The following PDE1A variants were observed in gnomAD, a reference collection of about 807,000 sequenced individuals.
The protein encoded by PDE1A is dual specificity calcium/calmodulin-dependent 3',5'-cyclic nucleotide phosphodiesterase 1A.
Under a neutral mutation model 61.7 loss-of-function variants are expected in PDE1A, and 35 were observed. That is an observed-to-expected ratio of 0.57 (90% CI 0.43 to 0.75). The LOEUF is 0.75. Among genes scored for constraint, PDE1A ranks in the 30% least tolerant of loss-of-function variants. The pLI, the probability that PDE1A is intolerant of heterozygous loss-of-function variation, is 0.00. For synonymous variants in PDE1A, 232 were observed against 213.2 expected (o/e 1.09, Z -0.77); for missense variants, 597 against 630.6 (o/e 0.95, Z 0.57).
the PDE1A span, among the ~76,000 whole-genome samples, chr2:182,561,623 T>C: frequency 2.6e-5 from 4 of 152,222 alleles, no homozygotes; most frequent in African/African-American, 7.2e-5. Flanking sequence ...GGGAATGCTA[T>C]TGAATCTATA....
chr2:182,535,049 T>C, the PDE1A span, among the ~76,000 whole-genome samples: 2 of 117,280 alleles, frequency 1.7e-5, no homozygotes, highest in Non-Finnish European at 3.5e-5. Flanking sequence ...CCTTCATTGG[T>C]TTGAATTGTG....
rs1390535474 is a variant in PDE1A, at chr2:182,307,734, A to T, written c.54-43320T>A. ...ACCAAAAAAAAATGCTTTGCTGGGAATCATGGCTTACACTTATAGTCCTAG... is the reference window on the plus strand; with the variant it reads ...ACCAAAAAAAAATGCTTTGCTGGGATTCATGGCTTACACTTATAGTCCTAG... On this transcript the variant is annotated intron_variant, in intron 1 of 13. Coordinates refer to ENST00000351439, the Ensembl canonical transcript of PDE1A. Among the ~76,000 whole-genome samples the T allele has an allele frequency of 2.0e-5, 3 of 152,150 alleles. No homozygotes were observed. In the East Asian group the frequency reaches 5.8e-4, roughly 29 times the overall value.
At chr2:182,527,325 AAAATATATATATATATATAT>A (rs1255168982), upstream of PDE1A, among the ~76,000 whole-genome samples, 6,072 of 38,052 alleles carry the variant, frequency 0.16, 1,233 homozygotes, top group South Asian at 0.26. Context: ...AAAAAAAAAA[AAAATATATATATATATATAT>A]ATATATATAT....
chr2:182,179,545 T>C (rs1441646037), intron 13 of PDE1A, among the ~76,000 whole-genome samples: 18 of 152,044 alleles, frequency 1.2e-4, no homozygotes, highest in Non-Finnish European at 1.5e-5. Context: ...GAGAAGGAAA[T>C]AAATGATTAG....
At chr2:182,212,052 G>A (rs544632627) in intron 7 of PDE1A, among the ~76,000 whole-genome samples, 1 of 152,014 alleles carries the variant, frequency 6.6e-6, no homozygotes, top group African/African-American at 2.4e-5. Context: ...ACAAAAATTA[G>A]TTGTGAGAGG....
At chr2:182,244,556 A>G (rs893869899) in intron 2 of PDE1A, among the ~76,000 whole-genome samples, 1 of 134,322 alleles carries the variant, frequency 7.4e-6, no homozygotes, top group Non-Finnish European at 1.6e-5. Context: ...ACCTCTTGAA[A>G]CCTTTTTCTT....
At chr2:182,700,721 C>CAAAAAAAAAAA in the PDE1A span, among the ~76,000 whole-genome samples, 13 of 23,996 alleles carry the variant, frequency 5.4e-4, no homozygotes, top group East Asian at 2.8e-3. Context: ...GACTCCATCT[C>CAAAAAAAAAAA]AAAAAAAAAA....
the PDE1A span, among the ~76,000 whole-genome samples, chr2:182,637,003 C>A: frequency 6.6e-6 from 1 of 152,220 alleles, no homozygotes; most frequent in Non-Finnish European, 1.5e-5. Flanking sequence ...TGTCTTTCTG[C>A]CACATCTCTC....
intron 4 of PDE1A, among the ~76,000 whole-genome samples, chr2:182,232,802 T>G (rs1689687815): frequency 6.6e-6 from 1 of 152,208 alleles, no homozygotes; most frequent in African/African-American, 2.4e-5. Context: ...AAGGTTGCTA[T>G]TTATATTTAC....
chr2:182,558,299 T>A, the PDE1A span, among the ~76,000 whole-genome samples: 2 of 151,998 alleles, frequency 1.3e-5, no homozygotes, highest in Non-Finnish European at 2.9e-5. Flanking sequence ...TATAATCTAA[T>A]ATATATTATG....
the PDE1A span, among the ~76,000 whole-genome samples, chr2:182,538,014 CT>C: frequency 2.8e-4 from 43 of 152,126 alleles, no homozygotes; most frequent in Non-Finnish European, 3.7e-4. Context: ...ACTTCTTCCC[CT>C]GCACTCTCTT....
the PDE1A span, among the ~76,000 whole-genome samples, chr2:182,656,440 G>T: frequency 6.0e-3 from 915 of 152,224 alleles, 14 homozygotes; most frequent in African/African-American, 0.021. Flanking sequence ...CTATAAAAAT[G>T]GAAAGATGGG....
intron 2 of PDE1A, among the ~76,000 whole-genome samples, chr2:182,435,542 G>T (rs1392874626): frequency 6.6e-6 from 1 of 152,068 alleles, no homozygotes; most frequent in Non-Finnish European, 1.5e-5. Context: ...CACATAAAAA[G>T]AGGGGTTGTA....
At chr2:182,681,157 GTT>G in the PDE1A span, among the ~76,000 whole-genome samples, 1 of 143,126 alleles carries the variant, frequency 7.0e-6, no homozygotes, top group Non-Finnish European at 1.5e-5. Flanking sequence ...TGTTTTTTTT[GTT>G]TTTTTTTTTT....
intron 7 of PDE1A, among the ~76,000 whole-genome samples, chr2:182,219,270 C>T (rs990447115): frequency 6.6e-6 from 1 of 151,796 alleles, no homozygotes; most frequent in Non-Finnish European, 1.5e-5. Flanking sequence ...TATTTCTCAC[C>T]TGTCTGTATT....
chr2:182,525,367 T>G (rs913777959), upstream of PDE1A, among the ~76,000 whole-genome samples: 1 of 152,222 alleles, frequency 6.6e-6, no homozygotes, highest in Non-Finnish European at 1.5e-5. Context: ...CATCCTTATT[T>G]ATAAGCAAAA....
At chr2:182,361,864 GAT>G (rs1381602591) in intron 1 of PDE1A, among the ~76,000 whole-genome samples, 1 of 151,946 alleles carries the variant, frequency 6.6e-6, no homozygotes, top group Non-Finnish European at 1.5e-5. Context: ...GACTTTTCTA[GAT>G]CCAGGGAGGC....
intron 13 of PDE1A, among the ~76,000 whole-genome samples, chr2:182,162,411 G>A (rs912666075): frequency 2.0e-5 from 3 of 152,126 alleles, no homozygotes; most frequent in African/African-American, 4.8e-5. Context: ...AGCTTACTAT[G>A]CTCTTACTTG....
chr2:182,391,313 G>T (rs1473062715), intron 1 of PDE1A, among the ~76,000 whole-genome samples: 1 of 152,126 alleles, frequency 6.6e-6, no homozygotes, highest in African/African-American at 2.4e-5. Context: ...AATGTTGCCA[G>T]CTCTGGGAGT....
Sources: gnomAD v4.1 joint callset for allele counts (sites outside exome capture counted in the v4.1 genomes callset) on GRCh38, gnomAD v4.1.1 for gene constraint, MANE v1.5 for transcripts, NCBI Gene and HGNC (gene_info 2026-07-23, HGNC 2026-07-21) for gene names.